USP32: variants seen among roughly 807,000 people sequenced by gnomAD.
USP32 encodes the protein ubiquitin specific peptidase 32.
In USP32, 59 loss-of-function variants were observed where a neutral mutation model predicts 204.8. The observed-to-expected ratio is 0.29, with a 90% CI of 0.23 to 0.36. USP32 has a LOEUF of 0.36. USP32 is among the 10% of genes least tolerant of loss of function. The pLI is 1.00. For missense variants in USP32, 1,160 were observed against 1,946.4 expected (o/e 0.60, Z 7.60); for synonymous variants, 517 against 678.4 (o/e 0.76, Z 3.70).
rs1234159859 is a variant in USP32 at position 60,181,398 on chromosome 17, T to A, written c.4474A>T (p.Ser1492Cys). 1 of 1,614,016 alleles carries A rather than the reference T, an allele frequency of 6.2e-7. No homozygotes were observed. Among genetic ancestry groups the A allele is most frequent in the Admixed American group, 1.7e-5 (1 of 60,018 alleles). ...TGGTCATCAGTGCTGTCTTCTTCAC[T>A]GTGGTTTCCAAGCTGACCATTGCTG... is the stretch of plus-strand genomic sequence containing the variant. ...GYSNGQLGNH[S>C]EEDSTDDQRE... Residue 1492 changes from serine to cysteine, a missense_variant, in exon 32 of 34, where the codon AGT (serine) becomes TGT (cysteine). Coordinates refer to ENST00000300896, the MANE Select transcript of USP32 (RefSeq NM_032582.4).
chr17:60,334,320 TA>T (rs2088461774), intron 2 of USP32, among the ~76,000 whole-genome samples: 1 of 152,190 alleles, frequency 6.6e-6, no homozygotes, highest in Admixed American at 6.5e-5. Flanking sequence ...CTTTTAATAA[TA>T]GATGTATAAA....
chr17:60,384,673 T>C (rs2089699223), intron 1 of USP32, among the ~76,000 whole-genome samples: 1 of 151,728 alleles, frequency 6.6e-6, no homozygotes, highest in Admixed American at 6.6e-5. Context: ...GTGCCTGTAA[T>C]CCCAGCTACT....
intron 2 of USP32, among the ~76,000 whole-genome samples, chr17:60,340,011 T>G (rs990114926): frequency 6.6e-6 from 1 of 152,292 alleles, no homozygotes; most frequent in South Asian, 2.1e-4. Context: ...TGCTATGATA[T>G]CTCAAAACAT....
At chr17:60,229,478 T>C (rs937116774) in intron 12 of USP32, among the ~76,000 whole-genome samples, 11 of 152,244 alleles carry the variant, frequency 7.2e-5, no homozygotes, top group African/African-American at 1.9e-4. Context: ...AGCTTAGAAA[T>C]TGACTTGTTA....
chr17:60,217,483 T>A (rs1268575269), intron 16 of USP32, among the ~76,000 whole-genome samples: 1 of 152,062 alleles, frequency 6.6e-6, no homozygotes, highest in African/African-American at 2.4e-5. Flanking sequence ...TTAGTAAAGA[T>A]GGGGTTTCAC....
Position 60,294,697 on chromosome 17 carries a change from T to A in USP32, c.397A>T (p.Lys133Ter). Residue 133 changes from lysine (K) to a stop codon, truncating the protein, a stop_gained, in exon 4 of 34, where the codon AAG (lysine) becomes TAG (stop). Coordinates refer to ENST00000300896, the MANE Select transcript of USP32 (RefSeq NM_032582.4). LOFTEE classifies it high-confidence loss of function. ...VDGKVPDTLR[K>*]CFSEGEKVNY... ...TTTAACTATACCTCTGAGAAACACT[T>A]CCTGAGTGTATCTGGGACTTTACCA... 1 of 1,606,054 alleles carries A rather than the reference T, an allele frequency of 6.2e-7. No homozygotes were observed. Among genetic ancestry groups the A allele is most frequent in the Non-Finnish European group, 8.5e-7 (1 of 1,173,830 alleles).
chr17:60,324,283 AAT>A (rs138904415), intron 2 of USP32, among the ~76,000 whole-genome samples: 6,774 of 146,386 alleles, frequency 0.046, 532 homozygotes, highest in African/African-American at 0.16. Flanking sequence ...CCGTGTTTCA[AAT>A]ATATATATAT....
intron 9 of USP32, among the ~76,000 whole-genome samples, chr17:60,264,531 C>CAA (rs112994170): frequency 4.4e-5 from 6 of 135,322 alleles, no homozygotes; most frequent in African/African-American, 1.6e-4. Flanking sequence ...AACAAACAGA[C>CAA]AAAAAAAAAA....
At chr17:60,417,880 C>T (rs1400238932) in intron 1 of USP32, among the ~76,000 whole-genome samples, 1 of 151,982 alleles carries the variant, frequency 6.6e-6, no homozygotes, top group Non-Finnish European at 1.5e-5. Flanking sequence ...ACCTCTGCCT[C>T]CTGGGTTCAA....
intron 1 of USP32, among the ~76,000 whole-genome samples, chr17:60,364,513 C>G (rs1567876537): frequency 1.3e-5 from 2 of 152,090 alleles, no homozygotes; most frequent in African/African-American, 4.8e-5. Flanking sequence ...CCAAGTAGCT[C>G]AGATAGGTGC....
chr17:60,258,685 A>G (rs2086377966), intron 9 of USP32, among the ~76,000 whole-genome samples: 1 of 152,218 alleles, frequency 6.6e-6, no homozygotes, highest in Admixed American at 6.5e-5. Flanking sequence ...GCAAGAGAAC[A>G]CTTCGCTGTT....
chr17:60,229,226 G>C (rs1343600494), intron 12 of USP32, among the ~76,000 whole-genome samples: 1 of 151,932 alleles, frequency 6.6e-6, no homozygotes, highest in East Asian at 1.9e-4. Context: ...TTTTCATAGA[G>C]ATGGGGTCTC....
At chr17:60,341,732 GCCATGGTTTTCAGCT>G (rs1193066983) in intron 2 of USP32, among the ~76,000 whole-genome samples, 2 of 152,150 alleles carry the variant, frequency 1.3e-5, no homozygotes, top group Admixed American at 1.3e-4. Context: ...AAGTTCTCGC[GCCATGGTTTTCAGCT>G]CCATCAGGTC....
intron 1 of USP32, among the ~76,000 whole-genome samples, chr17:60,374,098 C>T (rs1240673228): frequency 1.3e-5 from 2 of 151,842 alleles, no homozygotes; most frequent in Non-Finnish European, 2.9e-5. Context: ...GCAAGAGAAT[C>T]GCTTGAACCA....
intron 24 of USP32, among the ~76,000 whole-genome samples, chr17:60,207,367 C>G (rs2084856941): frequency 6.6e-6 from 1 of 151,960 alleles, no homozygotes; most frequent in African/African-American, 2.4e-5. Context: ...TTATATACGA[C>G]TGACTTCAGT....
At chr17:60,393,981 A>G (rs1026695842), upstream of USP32, among the ~76,000 whole-genome samples, 1 of 151,972 alleles carries the variant, frequency 6.6e-6, no homozygotes, top group Non-Finnish European at 1.5e-5. Flanking sequence ...ACCGCGCCCC[A>G]CCAATATTTC....
At chr17:60,422,319 G>A (rs753769769) in exon 1 of USP32, 7 of 644,324 alleles carry the variant, frequency 1.1e-5, no homozygotes, top group South Asian at 3.8e-5. Context: ...CCTGCTGTGC[G>A]CTCTGCCAAA....
At chr17:60,350,603 T>A (rs1013575259) in intron 1 of USP32, among the ~76,000 whole-genome samples, 8 of 152,164 alleles carry the variant, frequency 5.3e-5, no homozygotes, top group African/African-American at 1.9e-4. Context: ...TGTGGTAAAT[T>A]TTTTAAATAA....
intron 5 of USP32, among the ~76,000 whole-genome samples, chr17:60,273,354 G>T (rs1015158373): frequency 4.6e-5 from 7 of 152,142 alleles, no homozygotes; most frequent in Non-Finnish European, 1.0e-4. Flanking sequence ...GTGACCAGCT[G>T]AAGTGGAAAC....
Sources: gnomAD v4.1 joint callset for allele counts (sites outside exome capture counted in the v4.1 genomes callset) on GRCh38, gnomAD v4.1.1 for gene constraint, MANE v1.5 for transcripts, NCBI Gene and HGNC (gene_info 2026-07-23, HGNC 2026-07-21) for gene names.